The following CNDP1 variants were observed in gnomAD, a reference collection of about 807,000 sequenced individuals.
CNDP1 encodes beta-Ala-His dipeptidase.
Under a neutral mutation model 58.1 loss-of-function variants are expected in CNDP1, and 44 were observed. That is an observed-to-expected ratio of 0.76 (90% CI 0.60 to 0.97). The LOEUF is 0.97. Ranked by LOEUF, CNDP1 falls within the 50% of genes least tolerant of loss-of-function variation. The probability of loss-of-function intolerance (pLI) is 0.00; values close to 1 mark genes in which losing one functional copy is unlikely to be tolerated. For synonymous variants in CNDP1, 254 were observed against 252.6 expected, an observed-to-expected ratio of 1.01 and a Z score of -0.05; for missense variants, 616 against 655.1, an observed-to-expected ratio of 0.94 and a Z score of 0.65.
At chr18:74,579,148 TG>T (rs1378179252) in intron 9 of CNDP1, among the ~76,000 whole-genome samples, 9 of 143,710 alleles carry the variant, frequency 6.3e-5, no homozygotes, top group African/African-American at 2.4e-4. Context: ...GCCTCTCTCC[TG>T]CCCTCTCTCC....
At chr18:74,566,884 C>T (rs1981341863) in intron 5 of CNDP1, among the ~76,000 whole-genome samples, 1 of 152,184 alleles carries the variant, frequency 6.6e-6, no homozygotes. Flanking sequence ...TTGATAAAGA[C>T]ATACCCAAGA....
At chr18:74,548,570 A>G (rs1318357453) in intron 1 of CNDP1, among the ~76,000 whole-genome samples, 2 of 152,206 alleles carry the variant, frequency 1.3e-5, no homozygotes, top group African/African-American at 4.8e-5. Flanking sequence ...GAACAGCCTA[A>G]CACAGAAAAG....
At chr18:74,540,689 G>T (rs1270519865) in intron 1 of CNDP1, among the ~76,000 whole-genome samples, 2 of 152,168 alleles carry the variant, frequency 1.3e-5, no homozygotes, top group Admixed American at 6.5e-5. Context: ...TAGTGCTTCA[G>T]GTCACTTGTC....
intron 6 of CNDP1, among the ~76,000 whole-genome samples, chr18:74,570,218 T>TAATAATAATAATAA (rs56019800): frequency 0.062 from 6,063 of 97,794 alleles, 271 homozygotes; most frequent in African/African-American, 0.11. Flanking sequence ...ATAATAATAA[T>TAATAATAATAATAA]TAATAATAAT....
At position 74,562,069 on chromosome 18, in the gene CNDP1, G is replaced by T. The variant is rs562967819; in HGVS notation, c.489G>T (p.Ala163=). Residue 163 remains alanine (A), a synonymous_variant, in exon 5 of 12, where the codon GCG becomes GCT. Coordinates refer to ENST00000358821, the MANE Select transcript of CNDP1 (RefSeq NM_032649.6). ...AAGGGAAACTTTATGGACGAGGAGC[G>T]ACCGACAACAAAGGCCCTGTCTTGG... ...EVDGKLYGRG[A]TDNKGPVLAW... The T allele has an allele frequency of 4.3e-6, 7 of 1,614,032 alleles. No homozygotes were observed. The highest frequency in any genetic ancestry group is 4.5e-5 in the East Asian group (2 of 44,880).
At chr18:74,580,899 G>A (rs1434175747) in intron 10 of CNDP1, among the ~76,000 whole-genome samples, 1 of 152,196 alleles carries the variant, frequency 6.6e-6, no homozygotes, top group Admixed American at 6.5e-5. Context: ...AGCCCAGGAG[G>A]TTGAGGCTGC....
intron 4 of CNDP1, 68 bp downstream of exon 4, chr18:74,561,086 G>A (rs1400151981): frequency 1.3e-6 from 2 of 1,511,700 alleles, no homozygotes; most frequent in Non-Finnish European, 1.8e-6. Context: ...TGAAGATGAG[G>A]CTCTGTCCCT....
intron 7 of CNDP1, among the ~76,000 whole-genome samples, chr18:74,575,271 T>C (rs139634361): frequency 9.8e-5 from 15 of 152,296 alleles, no homozygotes; most frequent in African/African-American, 3.6e-4. Context: ...TTTAAAATGA[T>C]GCCGAGAACA....
At chr18:74,555,203 C>T (rs1981006466) in intron 1 of CNDP1, among the ~76,000 whole-genome samples, 3 of 152,178 alleles carry the variant, frequency 2.0e-5, no homozygotes. Flanking sequence ...ACAAAAATAA[C>T]AGAGACAGGC....
chr18:74,560,960 G>T lies in CNDP1; in HGVS notation c.408G>T (p.Gln136His). 1.9e-6 allele frequency: 3 copies of T among 1,614,144 alleles called. No individual in the cohort carries two copies. The South Asian group carries it at 3.3e-5, about 18-fold the overall frequency. Reference sequence around the variant, plus strand: ...GCTTCTACGGCCACTTGGACGTGCAGCCTGCTGACCGGGGCGATGGGTGGC... The same window carrying T: ...GCTTCTACGGCCACTTGGACGTGCATCCTGCTGACCGGGGCGATGGGTGGC... Reference protein sequence around the residue: ...TVCFYGHLDVQPADRGDGWLT... With the variant: ...TVCFYGHLDVHPADRGDGWLT... The change falls in exon 4 of 12, where the codon CAG becomes CAT. Residue 136 changes from glutamine (Q) to histidine (H), a missense_variant. Coordinates refer to ENST00000358821, the MANE Select transcript of CNDP1 (RefSeq NM_032649.6).
intron 2 of CNDP1, among the ~76,000 whole-genome samples, chr18:74,556,783 G>A (rs1404031682): frequency 6.6e-6 from 1 of 152,218 alleles, no homozygotes; most frequent in Non-Finnish European, 1.5e-5. Context: ...CATTCCTAAT[G>A]CCACCTGACG....
intron 7 of CNDP1, among the ~76,000 whole-genome samples, chr18:74,572,560 G>C (rs954927569): frequency 2.0e-5 from 3 of 151,966 alleles, no homozygotes; most frequent in African/African-American, 7.2e-5. Flanking sequence ...GGCCAAGGTG[G>C]GTGGATCAGT....
chr18:74,579,180 T>C (rs1981712860), intron 9 of CNDP1, among the ~76,000 whole-genome samples: 1 of 123,302 alleles, frequency 8.1e-6, no homozygotes, highest in Non-Finnish European at 1.7e-5. Flanking sequence ...CCTTCTCCCT[T>C]CTCCCTTTCC....
rs942837756 is a variant in CNDP1, at chr18:74,565,735, T to A, written c.556-1498T>A. On this transcript the variant is annotated intron_variant, in intron 5 of 11. Transcript: ENST00000358821. Reference sequence around the variant, plus strand: ...GCTGCTTTCATGGGCTGGCATTGAGTGTCTGCGGTTTTTCCAGGTGCACGG... The same window carrying A: ...GCTGCTTTCATGGGCTGGCATTGAGAGTCTGCGGTTTTTCCAGGTGCACGG... 4.6e-5 allele frequency among the ~76,000 whole-genome samples: 7 copies of A among 152,062 alleles called. No homozygotes were observed. The South Asian group carries it at 1.4e-3, about 31-fold the overall frequency.
intron 5 of CNDP1, among the ~76,000 whole-genome samples, chr18:74,565,124 C>A (rs781204098): frequency 1.3e-5 from 2 of 152,166 alleles, no homozygotes; most frequent in Non-Finnish European, 2.9e-5. Flanking sequence ...CCCATTAGAT[C>A]TCATGAGACT....
chr18:74,554,746 G>A (rs1980993332), intron 1 of CNDP1, among the ~76,000 whole-genome samples: 1 of 152,194 alleles, frequency 6.6e-6, no homozygotes, highest in African/African-American at 2.4e-5. Context: ...GGGGATATTT[G>A]CTTTACCCCA....
intron 11 of CNDP1, 40 bp from the exon 12 acceptor site, chr18:74,584,456 A>G: frequency 2.1e-6 from 3 of 1,420,644 alleles, no homozygotes; most frequent in East Asian, 2.3e-5. Context: ...ATTTGAATGG[A>G]AATTGTAACA....
chr18:74,570,305 G>A (rs748938858), intron 6 of CNDP1, among the ~76,000 whole-genome samples: 25 of 152,114 alleles, frequency 1.6e-4, no homozygotes, highest in South Asian at 4.2e-4. Flanking sequence ...GGAGAGTGAC[G>A]TAGACAAAAA....
intron 1 of CNDP1, among the ~76,000 whole-genome samples, chr18:74,536,191 T>C (rs1000674542): frequency 6.6e-6 from 1 of 152,326 alleles, no homozygotes. Flanking sequence ...GTTTCTTACA[T>C]AGGTAAATTT....
Sources: allele counts gnomAD v4.1 joint callset (sites outside exome capture counted in the v4.1 genomes callset), GRCh38; gene constraint gnomAD v4.1.1; transcripts MANE v1.5; gene names NCBI Gene and HGNC (gene_info 2026-07-23, HGNC 2026-07-21).